Variants in DPH5 observed in about 807,000 individuals in gnomAD.
DPH5 encodes the protein diphthine methyl ester synthase.
Under a neutral mutation model 31.6 loss-of-function variants are expected in DPH5, and 31 were observed. The observed-to-expected ratio is 0.98, with a 90% CI of 0.74 to 1.32. DPH5 has a LOEUF of 1.32. Ranked by LOEUF, DPH5 falls within the 40% of genes most tolerant of loss-of-function variation. The pLI is 0.00. For synonymous variants in DPH5, 120 were observed against 115.0 expected (o/e 1.04, Z -0.28); for missense variants, 309 against 335.7 (o/e 0.92, Z 0.62).
chr1:101,012,574 C>G (rs1659779262), intron 4 of DPH5, among the ~76,000 whole-genome samples: 1 of 152,138 alleles, frequency 6.6e-6, no homozygotes, highest in Non-Finnish European at 1.5e-5. Context: ...GTTCTATGAA[C>G]AGCATTTGAC....
At chr1:101,009,433 T>C (rs1242514093) in intron 4 of DPH5, among the ~76,000 whole-genome samples, 1 of 152,170 alleles carries the variant, frequency 6.6e-6, no homozygotes, top group Non-Finnish European at 1.5e-5. Context: ...AAGGACCCAT[T>C]AGCATAAAGA....
chr1:101,015,414 G>C (rs546851679), intron 3 of DPH5, among the ~76,000 whole-genome samples: 1 of 152,326 alleles, frequency 6.6e-6, no homozygotes, highest in South Asian at 2.1e-4. Flanking sequence ...TTGAGCAGCA[G>C]GTCTCAAGGG....
At chr1:101,002,843 C>T (rs1428614547) in intron 4 of DPH5, among the ~76,000 whole-genome samples, 1 of 152,102 alleles carries the variant, frequency 6.6e-6, no homozygotes, top group Non-Finnish European at 1.5e-5. Flanking sequence ...GAGGGGAAGA[C>T]AAGCAGGAAG....
At chr1:101,005,907 C>T (rs1015952909) in intron 4 of DPH5, among the ~76,000 whole-genome samples, 1 of 151,270 alleles carries the variant, frequency 6.6e-6, no homozygotes, top group Admixed American at 6.6e-5. Context: ...GGGAGGGACC[C>T]GGTAGTGGGG....
rs576454336 is a variant in DPH5, at chr1:101,025,383, C to A, written c.61G>T (p.Glu21Ter). The change falls in exon 2 of 8, where the codon GAA becomes TAA. Residue 21 changes from glutamate (E) to a stop codon, truncating the protein, a stop_gained. Coordinates refer to ENST00000370109, the MANE Select transcript of DPH5 (RefSeq NM_015958.3). LOFTEE classifies it high-confidence loss of function. ...ACTCGACTGCAGCGTCTAACAACTTCCAGGCCCTTGACTGTGATGTCCTTG... is the reference window on the plus strand; with the variant it reads ...ACTCGACTGCAGCGTCTAACAACTTACAGGCCCTTGACTGTGATGTCCTTG... ...DAKDITVKGL[E>*]VVRRCSRVYL... 1 of 1,614,244 alleles carries A rather than the reference C, an allele frequency of 6.2e-7. No homozygotes were observed. The highest frequency in any genetic ancestry group is 1.1e-5 in the South Asian group (1 of 91,086).
At position 100,991,788 on chromosome 1, in the gene DPH5, C is replaced by CA. The variant is rs71084857; in HGVS notation, c.634+848dup. ...TGGGCAACAAAGCAAGACCCCATCT[C>CA]AAAAAAAAAAAAAAAGTCTCACAGT... On this transcript the variant is annotated intron_variant, in intron 7 of 7. Transcript: ENST00000370109. Among the ~76,000 whole-genome samples the CA allele has an allele frequency of 2.3e-3, 228 of 100,988 alleles. 5 individuals carry two copies. Among genetic ancestry groups the CA allele is most frequent in the Middle Eastern group, 5.8e-3 (1 of 172 alleles). The allele number at this position is 100,988 out of a possible 152,430, so 66.3% of individuals were successfully genotyped here. A position where few individuals can be genotyped will look rare whatever the true frequency, so the allele number is the denominator to read the frequency against.
At chr1:100,998,824 A>G (rs1658609582) in intron 5 of DPH5, among the ~76,000 whole-genome samples, 3 of 152,190 alleles carry the variant, frequency 2.0e-5, no homozygotes, top group Admixed American at 1.3e-4. Flanking sequence ...CACATCACTG[A>G]AGGGATTCAG....
Position 100,990,454 on chromosome 1 carries a change from G to C in DPH5, c.812C>G (p.Ser271Cys), listed in dbSNP as rs201302775. 3 of 1,613,916 alleles carry C rather than the reference G, an allele frequency of 1.9e-6. No homozygotes were observed. ...PMEMEMLSLF[S>C]IPENSSESQS... ...AGATTCTGAGCTATTTTCTGGTATG[G>C]AAAACAGACTTAGCATCTCCATCTC... Residue 271 changes from serine to cysteine, a missense_variant, in exon 8 of 8, where the codon TCC (serine) becomes TGC (cysteine). Coordinates refer to ENST00000370109, the MANE Select transcript of DPH5 (RefSeq NM_015958.3).
At chr1:101,003,310 A>G (rs1659001998) in intron 4 of DPH5, among the ~76,000 whole-genome samples, 1 of 152,160 alleles carries the variant, frequency 6.6e-6, no homozygotes, top group Non-Finnish European at 1.5e-5. Flanking sequence ...TGTTATTATT[A>G]TTGGGTGATG....
At chr1:100,993,973 A>C (rs1570646863) in intron 6 of DPH5, among the ~76,000 whole-genome samples, 1 of 151,768 alleles carries the variant, frequency 6.6e-6, no homozygotes, top group African/African-American at 2.4e-5. Context: ...CGAACTGCTG[A>C]CCTCGTGATC....
intron 4 of DPH5, 146 bp downstream of exon 4, chr1:101,013,564 T>C: frequency 2.2e-6 from 1 of 453,290 alleles, no homozygotes; most frequent in East Asian, 3.4e-5. Context: ...TGTTAAAAAA[T>C]TCAGTCTATG....
intron 4 of DPH5, 91 bp downstream of exon 4, chr1:101,013,619 T>G (rs1168504269): frequency 1.6e-5 from 15 of 919,554 alleles, no homozygotes; most frequent in Non-Finnish European, 2.1e-5. Flanking sequence ...TGTTTTATGA[T>G]TCATAAAATA....
chr1:101,020,163 A>T (rs1660344740), intron 3 of DPH5, among the ~76,000 whole-genome samples: 1 of 152,142 alleles, frequency 6.6e-6, no homozygotes, highest in African/African-American at 2.4e-5. Context: ...TTTCATTTAT[A>T]TGAGCATTCT....
chr1:101,024,972 C>G (rs925030773), intron 2 of DPH5: 5 of 217,608 alleles, frequency 2.3e-5, no homozygotes, highest in Non-Finnish European at 4.6e-5. Context: ...GCTGTGTCAG[C>G]TCCTCATTAG....
At chr1:101,020,266 CACT>C (rs2101294887) in intron 3 of DPH5, among the ~76,000 whole-genome samples, 1 of 152,258 alleles carries the variant, frequency 6.6e-6, no homozygotes, top group African/African-American at 2.4e-5. Flanking sequence ...ATAAAACCAC[CACT>C]AATCAACTCC....
At chr1:100,998,508 A>T (rs1379051964) in intron 5 of DPH5, among the ~76,000 whole-genome samples, 2 of 4,070 alleles carry the variant, frequency 4.9e-4, no homozygotes, top group African/African-American at 5.3e-4. Context: ...ACCTTATCTT[A>T]AAAAAAAAAA....
Position 100,992,669 on chromosome 1 carries a change from A to G in DPH5, c.602T>C (p.Val201Ala). Residue 201 changes from valine (V) to alanine (A), a missense_variant, in exon 7 of 8, where the codon GTT becomes GCT. Transcript: ENST00000370109. Reference protein sequence around the residue: ...NQAAQQLLEIVQNQRIRGEEP... With the variant: ...NQAAQQLLEIAQNQRIRGEEP... ...TTCTCCTCGTATTCTTTGATTTTGAACAATCTCCAGAAGCTGCTGGGCTGC... is the reference window on the plus strand; with the variant it reads ...TTCTCCTCGTATTCTTTGATTTTGAGCAATCTCCAGAAGCTGCTGGGCTGC... 1 of 1,613,976 alleles carries G rather than the reference A, an allele frequency of 6.2e-7. No individual in the cohort carries two copies. The highest frequency in any genetic ancestry group is 8.5e-7 in the Non-Finnish European group (1 of 1,179,914).
At chr1:100,991,008 G>A (rs1293233922) in intron 7 of DPH5, among the ~76,000 whole-genome samples, 1 of 152,172 alleles carries the variant, frequency 6.6e-6, no homozygotes, top group Non-Finnish European at 1.5e-5. Context: ...TATTGACCTA[G>A]ATATACTGAA....
intron 4 of DPH5, among the ~76,000 whole-genome samples, chr1:101,005,360 A>C (rs1358743266): frequency 1.3e-5 from 2 of 152,240 alleles, no homozygotes; most frequent in Non-Finnish European, 2.9e-5. Context: ...CTGTACCACA[A>C]AACCACATAA....
Sources: gnomAD v4.1 joint callset for allele counts (sites outside exome capture counted in the v4.1 genomes callset) on GRCh38, gnomAD v4.1.1 for gene constraint, MANE v1.5 for transcripts, NCBI Gene and HGNC (gene_info 2026-07-23, HGNC 2026-07-21) for gene names.